PIBF1: variants seen among roughly 807,000 people sequenced by gnomAD.
PIBF1 encodes progesterone-induced-blocking factor 1.
Under a neutral mutation model 112.5 loss-of-function variants are expected in PIBF1, and 90 were observed. The ratio of observed to expected loss-of-function variants is 0.80; its 90% CI spans 0.67 to 0.95. The LOEUF is 0.95. Among genes scored for constraint, PIBF1 ranks in the 40% least tolerant of loss-of-function variants. The pLI, the probability that PIBF1 is intolerant of heterozygous loss-of-function variation, is 0.00. For synonymous variants in PIBF1, 301 were observed against 288.6 expected (o/e 1.04, Z -0.44); for missense variants, 915 against 852.3 (o/e 1.07, Z -0.92).
intron 6 of PIBF1, among the ~76,000 whole-genome samples, chr13:72,824,025 T>G (rs1200398822): frequency 2.6e-5 from 4 of 151,982 alleles, no homozygotes; most frequent in African/African-American, 9.7e-5. Flanking sequence ...TGATACTTCT[T>G]TTTTTTGAGA....
At position 72,795,463 on chromosome 13, in the gene PIBF1, G is replaced by A. The variant is rs145150795; in HGVS notation, c.458G>A (p.Arg153His). ...LQLREKAGDVRRNLRDFELTE... is the reference protein window; with the variant it reads ...LQLREKAGDVHRNLRDFELTE... ...CTAAGAGAAAAAGCTGGAGATGTTC[G>A]TCGAAACCTGCGTGACTTTGAGTTG... Residue 153 changes from arginine (R) to histidine (H), a missense_variant, in exon 4 of 18, where the codon CGT (arginine) becomes CAT (histidine). Physicochemically the swap from Arg to His is conservative, Grantham distance 29. Transcript: ENST00000326291. 50 of 1,610,706 alleles carry A rather than the reference G, an allele frequency of 3.1e-5. No homozygotes were observed. The highest frequency in any genetic ancestry group is 8.9e-5 in the South Asian group (8 of 90,188).
intron 16 of PIBF1, among the ~76,000 whole-genome samples, chr13:72,975,665 A>C (rs552628026): frequency 1.6e-3 from 246 of 152,304 alleles, no homozygotes; most frequent in Non-Finnish European, 2.9e-3. Context: ...AAGGTAAGTC[A>C]ATCTAACAAC....
rs188739420 is a variant in PIBF1 at position 72,797,067 on chromosome 13, T to C, written c.553-840T>C. Among the ~76,000 whole-genome samples, 39 of 152,244 alleles carry C rather than the reference T, an allele frequency of 2.6e-4. No individual in the cohort carries two copies. In the East Asian group the frequency reaches 7.5e-3, roughly 29 times the overall value. On this transcript the variant is annotated intron_variant, in intron 4 of 17. Transcript: ENST00000326291. The stretch of plus-strand genomic sequence containing the variant: ...TGTCAGATGGAACACTTTACTGAGC[T>C]AGGGTAGGAAAATTTCTCTGAGACA...
chr13:72,836,622 G>A (rs529013281), intron 9 of PIBF1, among the ~76,000 whole-genome samples: 1 of 152,182 alleles, frequency 6.6e-6, no homozygotes, highest in East Asian at 1.9e-4. Flanking sequence ...AATATAGCAG[G>A]TTGGTAGAGA....
chr13:73,001,858 G>A lies in PIBF1; in HGVS notation c.2223+2863G>A, dbSNP rs547286807. Among the ~76,000 whole-genome samples the A allele has an allele frequency of 4.6e-5, 7 of 152,110 alleles. No individual in the cohort carries two copies. The East Asian group carries it at 7.7e-4, about 17-fold the overall frequency. ...AGGCTGGTCTCAAACTCCTGACCTC[G>A]TGATCTGCCCACCTCGGCTTCCCAA... On this transcript the variant is annotated intron_variant, in intron 17 of 17. Coordinates refer to ENST00000326291, the MANE Select transcript of PIBF1 (RefSeq NM_006346.4).
chr13:72,897,718 A>T (rs2040335536), intron 11 of PIBF1, among the ~76,000 whole-genome samples: 1 of 152,248 alleles, frequency 6.6e-6, no homozygotes, highest in African/African-American at 2.4e-5. Flanking sequence ...AGAGACAAAG[A>T]GGGACATTAT....
chr13:72,864,135 T>C (rs1195351685), intron 10 of PIBF1, among the ~76,000 whole-genome samples: 2 of 152,234 alleles, frequency 1.3e-5, no homozygotes, highest in Non-Finnish European at 2.9e-5. Context: ...TAAATCCTGC[T>C]TAAGGCCACA....
At chr13:73,007,358 G>A (rs1037725264) in intron 17 of PIBF1, among the ~76,000 whole-genome samples, 12 of 150,084 alleles carry the variant, frequency 8.0e-5, no homozygotes, top group Admixed American at 1.3e-4. Flanking sequence ...GTGCAGTGGC[G>A]CAATCTTGGC....
intron 9 of PIBF1, among the ~76,000 whole-genome samples, chr13:72,844,591 C>T (rs952450969): frequency 6.6e-6 from 1 of 151,726 alleles, no homozygotes; most frequent in Non-Finnish European, 1.5e-5. Context: ...TTCAGTGTTT[C>T]GGTTTTCTGT....
At chr13:72,968,276 T>C (rs540353360) in intron 15 of PIBF1, among the ~76,000 whole-genome samples, 132 of 151,532 alleles carry the variant, frequency 8.7e-4, no homozygotes, top group African/African-American at 3.0e-3. Flanking sequence ...GGGGTTTTGT[T>C]GTTGTTGTTG....
intron 13 of PIBF1, 77 bp downstream of exon 13, chr13:72,917,243 T>A: frequency 1.3e-6 from 1 of 766,414 alleles, no homozygotes; most frequent in East Asian, 3.1e-5. Context: ...GATAATGTGC[T>A]GAGTTCAGTG....
chr13:72,931,938 CTT>C (rs59274277), intron 14 of PIBF1, among the ~76,000 whole-genome samples: 20,537 of 101,084 alleles, frequency 0.2, 832 homozygotes, highest in Middle Eastern at 0.25. Flanking sequence ...TTGTTTCTTT[CTT>C]TTTTTTTTTT....
chr13:72,996,203 A>G (rs1270855691), intron 16 of PIBF1, among the ~76,000 whole-genome samples: 1 of 151,360 alleles, frequency 6.6e-6, no homozygotes, highest in East Asian at 1.9e-4. Context: ...GAAATGTATA[A>G]GAAAATGACC....
chr13:72,814,281 C>G (rs905776671), intron 5 of PIBF1, among the ~76,000 whole-genome samples: 2 of 151,498 alleles, frequency 1.3e-5, no homozygotes, highest in Non-Finnish European at 1.5e-5. Context: ...ACTAAAAATA[C>G]AAAAATTAGC....
intron 9 of PIBF1, among the ~76,000 whole-genome samples, chr13:72,839,846 G>A (rs1199452401): frequency 6.6e-6 from 1 of 152,134 alleles, no homozygotes; most frequent in Non-Finnish European, 1.5e-5. Flanking sequence ...TCTGGAAGTA[G>A]GAAAACTGAA....
At chr13:72,794,507 T>TTATA (rs1264546597) in intron 3 of PIBF1, among the ~76,000 whole-genome samples, 1 of 152,142 alleles carries the variant, frequency 6.6e-6, no homozygotes, top group Non-Finnish European at 1.5e-5. Flanking sequence ...TCATCTTGAA[T>TTATA]TATAGCTCCC....
At chr13:73,012,112 G>A (rs937026180) in intron 17 of PIBF1, among the ~76,000 whole-genome samples, 4 of 152,256 alleles carry the variant, frequency 2.6e-5, no homozygotes, top group African/African-American at 9.6e-5. Context: ...AATGCTTTGG[G>A]AGGCCGAGGC....
At position 72,790,466 on chromosome 13, in the gene PIBF1, T is replaced by TACACACACACAC. The variant is rs1566271692; in HGVS notation, c.253-1980_253-1979insCACACACACACA. ...ACACACACACACACACACACACACTTATAGATAGATCACACACACCCTTAT... is the reference window on the plus strand; with the variant it reads ...ACACACACACACACACACACACACTTACACACACACACATAGATAGATCACACACACCCTTAT... On this transcript the variant is annotated intron_variant, in intron 2 of 17. Transcript: ENST00000326291. Among the ~76,000 whole-genome samples, 27 of 96,074 alleles carry TACACACACACAC rather than the reference T, an allele frequency of 2.8e-4. 1 individual carries two copies. In the South Asian group the frequency reaches 5.8e-3, roughly 21 times the overall value. The allele number at this position is 96,074 out of a possible 152,430, so 63.0% of individuals were successfully genotyped here. A position where few individuals can be genotyped will look rare whatever the true frequency, so the allele number is the denominator to read the frequency against.
At chr13:73,006,308 A>T (rs1419499390) in intron 17 of PIBF1, among the ~76,000 whole-genome samples, 1 of 152,130 alleles carries the variant, frequency 6.6e-6, no homozygotes, top group Non-Finnish European at 1.5e-5. Flanking sequence ...ATACATTTTT[A>T]AATATTCATT....
Sources: gnomAD v4.1 joint callset for allele counts (sites outside exome capture counted in the v4.1 genomes callset) on GRCh38, gnomAD v4.1.1 for gene constraint, MANE v1.5 for transcripts, NCBI Gene and HGNC (gene_info 2026-07-23, HGNC 2026-07-21) for gene names.